Variants in CNTN3 observed in about 807,000 individuals in gnomAD.
The protein encoded by CNTN3 is contactin-3.
CNTN3 carries 60 observed loss-of-function variants against 119.1 expected under a neutral mutation model. That is an observed-to-expected ratio of 0.50 (90% CI 0.41 to 0.62). CNTN3 has a LOEUF of 0.62. Among genes scored for constraint, CNTN3 ranks in the 20% least tolerant of loss-of-function variants. The pLI, the probability that CNTN3 is intolerant of heterozygous loss-of-function variation, is 0.00. For missense variants in CNTN3, 1,101 were observed against 1,242.4 expected (o/e 0.89, Z 1.71); for synonymous variants, 450 against 438.7 (o/e 1.03, Z -0.32).
At chr3:74,455,697 G>T (rs1242670944) in intron 4 of CNTN3, among the ~76,000 whole-genome samples, 7 of 151,950 alleles carry the variant, frequency 4.6e-5, no homozygotes, top group Admixed American at 4.6e-4. Flanking sequence ...TGTCCTTTCT[G>T]TTCGTTAGTT....
Position 74,388,058 on chromosome 3 carries a change from G to A in CNTN3, c.455-16659C>T, listed in dbSNP as rs987251684. Among the ~76,000 whole-genome samples, 5 of 152,140 alleles carry A rather than the reference G, an allele frequency of 3.3e-5. No individual in the cohort carries two copies. The East Asian group carries it at 9.6e-4, about 29-fold the overall frequency. ...ACCCATAGTAGCCCTCCCGGCTGATGGCTGAGGCAGATGGTCTAGCACTGG... is the reference window on the plus strand; with the variant it reads ...ACCCATAGTAGCCCTCCCGGCTGATAGCTGAGGCAGATGGTCTAGCACTGG... On this transcript the variant is annotated intron_variant, in intron 5 of 22. Transcript: ENST00000263665.
chr3:74,551,004 C>A (rs988119737), intron 1 of CNTN3, among the ~76,000 whole-genome samples: 1 of 152,206 alleles, frequency 6.6e-6, no homozygotes, highest in African/African-American at 2.4e-5. Context: ...GTCCCCAATA[C>A]GGACTAGCCT....
chr3:74,459,468 T>C (rs755033798), intron 4 of CNTN3, among the ~76,000 whole-genome samples: 1 of 151,998 alleles, frequency 6.6e-6, no homozygotes, highest in Non-Finnish European at 1.5e-5. Flanking sequence ...CCCAATGGCT[T>C]TCTACTGACT....
intron 5 of CNTN3, among the ~76,000 whole-genome samples, chr3:74,377,697 G>A (rs1341792635): frequency 2.6e-5 from 4 of 152,112 alleles, no homozygotes; most frequent in Non-Finnish European, 5.9e-5. Context: ...TAATTCAAAA[G>A]TCAAAAAGTT....
At chr3:74,354,684 A>G (rs1007614878) in intron 11 of CNTN3, among the ~76,000 whole-genome samples, 2 of 152,104 alleles carry the variant, frequency 1.3e-5, no homozygotes, top group African/African-American at 4.8e-5. Context: ...ACTTTACCCA[A>G]TATTGGACTG....
At chr3:74,351,797 A>G (rs1279195009) in intron 11 of CNTN3, among the ~76,000 whole-genome samples, 1 of 152,134 alleles carries the variant, frequency 6.6e-6, no homozygotes, top group Non-Finnish European at 1.5e-5. Flanking sequence ...CCCCATCCCA[A>G]ACCCAAACTC....
At chr3:74,587,670 C>T (rs1026378899) in intron 1 of CNTN3, among the ~76,000 whole-genome samples, 1 of 152,062 alleles carries the variant, frequency 6.6e-6, no homozygotes, top group African/African-American at 2.4e-5. Context: ...CGTAAAACTC[C>T]AGGACTTCTT....
chr3:74,495,727 T>G (rs1056689966), intron 3 of CNTN3, among the ~76,000 whole-genome samples: 3 of 152,048 alleles, frequency 2.0e-5, no homozygotes, highest in African/African-American at 7.2e-5. Context: ...GTAAATTAAA[T>G]ATGTGCAGGA....
chr3:74,524,901 G>A (rs1005186678), intron 1 of CNTN3, among the ~76,000 whole-genome samples: 3 of 151,820 alleles, frequency 2.0e-5, no homozygotes, highest in Middle Eastern at 3.4e-3. Flanking sequence ...TTTTGCTCTC[G>A]GGTTGCACAA....
chr3:74,430,339 C>A (rs1701762590), intron 4 of CNTN3, among the ~76,000 whole-genome samples: 1 of 152,198 alleles, frequency 6.6e-6, no homozygotes, highest in Non-Finnish European at 1.5e-5. Flanking sequence ...ATACACCCAA[C>A]CCCTTTGGTA....
At position 74,264,311 on chromosome 3, in the gene CNTN3, GA is replaced by G. The variant is rs1701627454; in HGVS notation, c.*89del. The G allele has an allele frequency of 1.9e-6, 1 of 519,634 alleles. No individual in the cohort carries two copies. The highest frequency in any genetic ancestry group is 3.2e-6 in the Non-Finnish European group (1 of 309,084). The allele number at this position is 519,634 out of a possible 1,614,324, so 32.2% of individuals were successfully genotyped here. A position where few individuals can be genotyped will look rare whatever the true frequency, so the allele number is the denominator to read the frequency against. ...AAGTAGAAAGTTAAAAATAAGAGTT[GA>G]AAAAAACATGCATAATCACTGCATT... On this transcript the variant is annotated 3_prime_UTR_variant, in exon 23 of 23. Transcript: ENST00000263665.
At chr3:74,418,507 A>G (rs545232620) in intron 5 of CNTN3, among the ~76,000 whole-genome samples, 1 of 151,526 alleles carries the variant, frequency 6.6e-6, no homozygotes, top group Admixed American at 6.6e-5. Context: ...ATGCCCAGCT[A>G]ATTTTTGTAT....
At chr3:74,401,511 C>T (rs565002655) in intron 5 of CNTN3, among the ~76,000 whole-genome samples, 37 of 150,302 alleles carry the variant, frequency 2.5e-4, no homozygotes, top group Middle Eastern at 3.4e-3. Flanking sequence ...CACACACGCG[C>T]GCACGCACAC....
At chr3:74,527,003 C>A (rs1418866895) in intron 1 of CNTN3, among the ~76,000 whole-genome samples, 1 of 151,852 alleles carries the variant, frequency 6.6e-6, no homozygotes, top group African/African-American at 2.4e-5. Flanking sequence ...CATAAGCTAA[C>A]TTGTGTGTAC....
At chr3:74,591,518 G>C (rs183142067) in intron 1 of CNTN3, among the ~76,000 whole-genome samples, 8 of 152,028 alleles carry the variant, frequency 5.3e-5, no homozygotes, top group African/African-American at 1.7e-4. Flanking sequence ...AGGGTGATCT[G>C]GGGAGAGGAG....
At chr3:74,406,197 T>C (rs1705319175) in intron 5 of CNTN3, among the ~76,000 whole-genome samples, 1 of 152,116 alleles carries the variant, frequency 6.6e-6, no homozygotes, top group Non-Finnish European at 1.5e-5. Context: ...ACAAACAAAA[T>C]GCTAATTGCC....
intron 16 of CNTN3, among the ~76,000 whole-genome samples, chr3:74,300,912 A>G (rs970760877): frequency 2.6e-5 from 4 of 152,214 alleles, no homozygotes; most frequent in African/African-American, 7.2e-5. Context: ...TCACATGGAA[A>G]TTCCTATCAA....
chr3:74,524,176 C>T (rs1021067291), intron 1 of CNTN3, among the ~76,000 whole-genome samples: 3 of 151,870 alleles, frequency 2.0e-5, no homozygotes, highest in Non-Finnish European at 2.9e-5. Context: ...ATAACATGTA[C>T]ATTGGTTACA....
At chr3:74,324,627 T>A (rs920879074) in intron 13 of CNTN3, among the ~76,000 whole-genome samples, 1 of 152,180 alleles carries the variant, frequency 6.6e-6, no homozygotes, top group Non-Finnish European at 1.5e-5. Flanking sequence ...GAGTCATAAC[T>A]TCTCTAACAT....
Sources: gnomAD v4.1 joint callset for allele counts (sites outside exome capture counted in the v4.1 genomes callset) on GRCh38, gnomAD v4.1.1 for gene constraint, MANE v1.5 for transcripts, NCBI Gene and HGNC (gene_info 2026-07-23, HGNC 2026-07-21) for gene names.